The following CDH9 variants were observed in gnomAD, a reference collection of about 807,000 sequenced individuals.
CDH9 encodes the protein cadherin-9.
In CDH9, 28 loss-of-function variants were observed where a neutral mutation model predicts 70.9. That is an observed-to-expected ratio of 0.40 (90% CI 0.29 to 0.54). CDH9 has a LOEUF of 0.54. Among genes scored for constraint, CDH9 ranks in the 20% least tolerant of loss-of-function variants. The pLI is 0.59. For synonymous variants in CDH9, 409 were observed against 343.1 expected, an observed-to-expected ratio of 1.19 and a Z score of -2.12; for missense variants, 874 against 984.4, an observed-to-expected ratio of 0.89 and a Z score of 1.50.
intron 7 of CDH9, among the ~76,000 whole-genome samples, chr5:26,892,330 T>A (rs1348965940): frequency 6.6e-6 from 1 of 152,162 alleles, no homozygotes; most frequent in Non-Finnish European, 1.5e-5. Context: ...CGAATCCTGT[T>A]AAAAACAGAG....
At chr5:26,913,979 T>C (rs1038362123) in intron 3 of CDH9, among the ~76,000 whole-genome samples, 3 of 151,960 alleles carry the variant, frequency 2.0e-5, no homozygotes, top group Non-Finnish European at 4.4e-5. Flanking sequence ...TTATGTGCGA[T>C]TAAATATCAA....
intron 2 of CDH9, among the ~76,000 whole-genome samples, chr5:26,938,381 G>A (rs1741598017): frequency 6.6e-6 from 1 of 151,780 alleles, no homozygotes; most frequent in African/African-American, 2.4e-5. Context: ...TTAGATGCTT[G>A]TATATTCAAA....
Position 26,902,504 on chromosome 5 carries a change from C to T in CDH9, c.1225G>A (p.Asp409Asn). ...GSIIGQVTAY[D>N]PDARNNLIKY... Reference sequence around the variant, plus strand: ...ATTAAATTGTTCCTGGCATCTGGATCGTATGCTGTAACCTGTCCAATGATA... The same window carrying T: ...ATTAAATTGTTCCTGGCATCTGGATTGTATGCTGTAACCTGTCCAATGATA... Residue 409 changes from aspartate to asparagine, a missense_variant, in exon 7 of 12, where the codon GAT (aspartate) becomes AAT (asparagine). Coordinates refer to ENST00000231021, the MANE Select transcript of CDH9 (RefSeq NM_016279.4). 1 of 1,604,660 alleles carries T rather than the reference C, an allele frequency of 6.2e-7. No homozygotes were observed. Among genetic ancestry groups the T allele is most frequent in the African/African-American group, 1.3e-5 (1 of 74,798 alleles).
chr5:27,015,021 G>C (rs531521170), intron 1 of CDH9, among the ~76,000 whole-genome samples: 7 of 151,958 alleles, frequency 4.6e-5, no homozygotes, highest in African/African-American at 1.4e-4. Context: ...TGCGATGCAA[G>C]GATCACATAA....
At chr5:26,894,460 C>T (rs960179174) in intron 7 of CDH9, among the ~76,000 whole-genome samples, 2 of 152,014 alleles carry the variant, frequency 1.3e-5, no homozygotes, top group Non-Finnish European at 2.9e-5. Flanking sequence ...CTGTTTTTCA[C>T]TTTAAGAATT....
chr5:26,931,574 T>A (rs1043990329), intron 2 of CDH9, among the ~76,000 whole-genome samples: 3 of 151,908 alleles, frequency 2.0e-5, no homozygotes, highest in African/African-American at 7.3e-5. Flanking sequence ...AAAGAGTACA[T>A]CATAAGAAAA....
At chr5:26,941,953 A>G (rs946922272) in intron 2 of CDH9, among the ~76,000 whole-genome samples, 1 of 152,206 alleles carries the variant, frequency 6.6e-6, no homozygotes, top group African/African-American at 2.4e-5. Flanking sequence ...CAAGAGGGCT[A>G]TGCATGCTAA....
At chr5:26,932,862 G>T (rs1380613445) in intron 2 of CDH9, among the ~76,000 whole-genome samples, 1 of 151,196 alleles carries the variant, frequency 6.6e-6, no homozygotes, top group African/African-American at 2.4e-5. Context: ...TTCCTGCCTT[G>T]TCTAGGTATA....
chr5:26,911,115 G>A (rs1288658944), intron 3 of CDH9, among the ~76,000 whole-genome samples: 4 of 152,090 alleles, frequency 2.6e-5, no homozygotes, highest in Non-Finnish European at 5.9e-5. Flanking sequence ...AGAATCTAGT[G>A]CAAAATCCTA....
rs1013078659 is a variant in CDH9 at position 26,903,671 on chromosome 5, T to C, written c.965A>G (p.Lys322Arg). The change falls in exon 6 of 12, where the codon AAG (lysine) becomes AGG (arginine). Residue 322 changes from lysine (K) to arginine (R), a missense_variant. Lys to Arg is a conservative substitution (Grantham distance 26, BLOSUM62 2). Transcript: ENST00000231021. The stretch of plus-strand genomic sequence containing the variant: ...AGTTATAATCCCTTCCTGTGTATCC[T>C]TGTCAGTGATGACATCGAACATGTC... The part of the protein sequence containing the change: ...GADMFDVITD[K>R]DTQEGIITVK... The C allele has an allele frequency of 1.2e-6, 2 of 1,610,246 alleles. No homozygotes were observed. Among genetic ancestry groups the C allele is most frequent in the African/African-American group, 2.7e-5 (2 of 74,840 alleles).
Position 26,885,708 on chromosome 5 carries a change from G to A in CDH9, c.1788C>T (p.Asn596=). 1 of 1,613,638 alleles carries A rather than the reference G, an allele frequency of 6.2e-7. No individual in the cohort carries two copies. Among genetic ancestry groups the A allele is most frequent in the Non-Finnish European group, 8.5e-7 (1 of 1,179,816 alleles). The change falls in exon 11 of 12, where the codon AAC becomes AAT. Residue 596 remains asparagine (N), a synonymous_variant. Coordinates refer to ENST00000231021, the MANE Select transcript of CDH9 (RefSeq NM_016279.4). ...IRVCACDNQG[N]MQSCTAEALI... ...GGGCTTCTGCGGTGCAGGATTGCATGTTTCCTTGATTATCGCAGGCACACA... is the reference window on the plus strand; with the variant it reads ...GGGCTTCTGCGGTGCAGGATTGCATATTTCCTTGATTATCGCAGGCACACA...
intron 1 of CDH9, among the ~76,000 whole-genome samples, chr5:27,016,957 ATTTC>A (rs1406362411): frequency 6.6e-6 from 1 of 151,826 alleles, no homozygotes; most frequent in African/African-American, 2.4e-5. Context: ...TTTTTAAATT[ATTTC>A]TTTGTTTGCT....
At chr5:27,029,485 A>C (rs1289147062) in intron 1 of CDH9, among the ~76,000 whole-genome samples, 2 of 152,006 alleles carry the variant, frequency 1.3e-5, no homozygotes, top group African/African-American at 4.8e-5. Context: ...AGTTACAAGC[A>C]GATATTTTAT....
At chr5:26,894,782 A>G (rs1423789622) in intron 7 of CDH9, among the ~76,000 whole-genome samples, 1 of 151,972 alleles carries the variant, frequency 6.6e-6, no homozygotes, top group African/African-American at 2.4e-5. Context: ...ACAATATTTT[A>G]TTGGTCCCCC....
chr5:26,973,640 C>T (rs776890026), intron 2 of CDH9, among the ~76,000 whole-genome samples: 5 of 152,044 alleles, frequency 3.3e-5, no homozygotes, highest in Admixed American at 6.6e-5. Context: ...TTCACCAATT[C>T]GAGTGTCTCG....
At chr5:27,033,905 C>G (rs1289686504) in intron 1 of CDH9, among the ~76,000 whole-genome samples, 3 of 151,534 alleles carry the variant, frequency 2.0e-5, no homozygotes, top group Non-Finnish European at 4.4e-5. Context: ...AAGTGAATTA[C>G]TGTTGCTCTT....
At chr5:26,923,069 T>TAAAAAAAAAAAAAAA (rs56883597) in intron 2 of CDH9, among the ~76,000 whole-genome samples, 16 of 95,034 alleles carry the variant, frequency 1.7e-4, no homozygotes, top group Non-Finnish European at 2.8e-4. Context: ...TTACATGAAT[T>TAAAAAAAAAAAAAAA]AAAAAAAAAA....
At chr5:27,037,117 C>T (rs948627543) in intron 1 of CDH9, among the ~76,000 whole-genome samples, 4 of 151,910 alleles carry the variant, frequency 2.6e-5, no homozygotes, top group Non-Finnish European at 5.9e-5. Context: ...AATTGAGAAT[C>T]TTGAATAATC....
intron 9 of CDH9, 98 bp from the exon 10 acceptor site, chr5:26,886,181 C>A (rs2111968160): frequency 7.6e-7 from 1 of 1,317,344 alleles, no homozygotes; most frequent in Non-Finnish European, 1.0e-6. Context: ...TTAAATACAT[C>A]ACGAAAACAA....
Sources: allele counts gnomAD v4.1 joint callset (sites outside exome capture counted in the v4.1 genomes callset), GRCh38; gene constraint gnomAD v4.1.1; transcripts MANE v1.5; gene names NCBI Gene and HGNC (gene_info 2026-07-23, HGNC 2026-07-21).